The following METTL4 variants were observed in gnomAD, a reference collection of about 807,000 sequenced individuals.
METTL4 encodes the protein N(6)-adenine-specific methyltransferase METTL4.
A neutral mutation model predicts 54.0 loss-of-function variants in METTL4; 40 were observed. The observed-to-expected ratio is 0.74, with a 90% CI of 0.58 to 0.96. METTL4 has a LOEUF of 0.96. Ranked by LOEUF, METTL4 falls within the 50% of genes least tolerant of loss-of-function variation. The pLI, the probability that METTL4 is intolerant of heterozygous loss-of-function variation, is 0.00. For synonymous variants in METTL4, 169 were observed against 183.8 expected, an observed-to-expected ratio of 0.92 and a Z score of 0.65; for missense variants, 525 against 549.0, an observed-to-expected ratio of 0.96 and a Z score of 0.44.
Position 2,544,649 on chromosome 18 carries a change from C to T in METTL4, c.1181+4G>A, listed in dbSNP as rs2072044141. ...ATACAATTTTGAAAAATCACCTTTC[C>T]TACCTCAATGGTAGAGCAGTTTTTT... On this transcript the variant is annotated splice_donor_region_variant and intron_variant, in intron 7 of 8. Transcript: ENST00000574538. 8 of 1,576,400 alleles carry T rather than the reference C, an allele frequency of 5.1e-6. No individual in the cohort carries two copies. Among genetic ancestry groups the T allele is most frequent in the Non-Finnish European group, 6.9e-6 (8 of 1,153,720 alleles).
chr18:2,563,593 T>A (rs2072355034), intron 3 of METTL4, among the ~76,000 whole-genome samples: 2 of 87,648 alleles, frequency 2.3e-5, no homozygotes, highest in South Asian at 4.8e-4. Context: ...AGAATGAGAC[T>A]CTGCCTCAAA....
At chr18:2,541,113 T>C (rs1013982194) in intron 8 of METTL4, among the ~76,000 whole-genome samples, 10 of 152,204 alleles carry the variant, frequency 6.6e-5, no homozygotes, top group African/African-American at 2.4e-4. Flanking sequence ...CCTTTCTAGT[T>C]AAGAAAAACA....
At chr18:2,556,303 G>GAA (rs34077307) in intron 3 of METTL4, among the ~76,000 whole-genome samples, 2 of 147,148 alleles carry the variant, frequency 1.4e-5, no homozygotes, top group Non-Finnish European at 3.0e-5. Context: ...CGGCAATTGG[G>GAA]AAAAAAAAAA....
intron 4 of METTL4, chr18:2,554,004 G>T (rs1156752871): frequency 1.3e-5 from 2 of 152,064 alleles, no homozygotes; most frequent in African/African-American, 2.4e-5. Context: ...TTAAAATTTT[G>T]CTATAAAATG....
Position 2,549,819 on chromosome 18 carries a change from T to TAA in METTL4, c.900-2292_900-2291dup, listed in dbSNP as rs397758263. On this transcript the variant is annotated intron_variant, in intron 5 of 8. Transcript: ENST00000574538. Reference sequence around the variant, plus strand: ...CAACATAGTGAAACCCCATCTCTACTAAAAAAAAAAAAAAAAAAAAAAAAA... The same window carrying TAA: ...CAACATAGTGAAACCCCATCTCTACTAAAAAAAAAAAAAAAAAAAAAAAAAAA... Among the ~76,000 whole-genome samples, 473 of 78,992 alleles carry TAA rather than the reference T, an allele frequency of 6.0e-3. 13 individuals carry two copies. Among genetic ancestry groups the TAA allele is most frequent in the South Asian group, 0.016 (28 of 1,786 alleles). The allele number at this position is 78,992 out of a possible 152,430, so 51.8% of individuals were successfully genotyped here. A position where few individuals can be genotyped will look rare whatever the true frequency, so the allele number is the denominator to read the frequency against.
chr18:2,567,003 C>G lies in METTL4; in HGVS notation c.214G>C (p.Glu72Gln). 6.2e-7 allele frequency: 1 copy of G among 1,614,134 alleles called. No individual in the cohort carries two copies. The highest frequency in any genetic ancestry group is 8.5e-7 in the Non-Finnish European group (1 of 1,180,016). Reference protein sequence around the residue: ...FIASDSSTKPENDDGGNYEMF... With the variant: ...FIASDSSTKPQNDDGGNYEMF... ...TCATAATTTCCTCCATCATCATTCT[C>G]TGGCTTAGTGGAAGAGTCAGAAGCA... Residue 72 changes from glutamate to glutamine, a missense_variant, in exon 2 of 9, where the codon GAG (glutamate) becomes CAG (glutamine). Physicochemically the swap from Glu to Gln is conservative, Grantham distance 29 (BLOSUM62 2). Transcript: ENST00000574538.
intron 3 of METTL4, 64 bp from the exon 4 acceptor site, chr18:2,555,102 T>A (rs925631568): frequency 6.8e-7 from 1 of 1,476,960 alleles, no homozygotes; most frequent in Admixed American, 2.0e-5. Flanking sequence ...TGACTGTGCT[T>A]TGAATATCTG....
rs2072437860 is a variant in METTL4 at position 2,567,401 on chromosome 18, T to C, written c.-185A>G. On this transcript the variant is annotated 5_prime_UTR_variant, in exon 2 of 9. The change creates a new upstream start codon in the 5' untranslated region. Transcript: ENST00000574538. ...GAATTTATCATTCATGATGTTAATA[T>C]ATACAGAAATTCTAAGGAAAATTGC... 2.3e-6 allele frequency: 1 copy of C among 428,302 alleles called. No homozygotes were observed. Among genetic ancestry groups the C allele is most frequent in the Non-Finnish European group, 4.1e-6 (1 of 245,902 alleles). 26.5% of individuals were successfully genotyped at this position (428,302 alleles called of 1,614,324 possible). A position where few individuals can be genotyped will look rare whatever the true frequency, so the allele number is the denominator to read the frequency against.
At position 2,537,662 on chromosome 18, in the gene METTL4, CAT is replaced by C. The variant is rs1240634663; in HGVS notation, c.*1336_*1337del. ...AAGGATGAACAAACTTCAAAAATAA[CAT>C]ATTTTTCTTTGACAAAATCAGTAAA... On this transcript the variant is annotated 3_prime_UTR_variant, in exon 9 of 9. Coordinates refer to ENST00000574538, the MANE Select transcript of METTL4 (RefSeq NM_022840.5). 1.0e-5 allele frequency: 4 copies of C among 385,918 alleles called. No homozygotes were observed. The highest frequency in any genetic ancestry group is 2.9e-4 in the South Asian group (2 of 6,936). The allele number at this position is 385,918 out of a possible 1,614,324, so 23.9% of individuals were successfully genotyped here.
intron 5 of METTL4, among the ~76,000 whole-genome samples, chr18:2,549,226 G>A (rs967553786): frequency 4.5e-4 from 68 of 152,132 alleles, no homozygotes; most frequent in African/African-American, 1.5e-3. Flanking sequence ...TTATCCCTCC[G>A]GTTGTATTCT....
chr18:2,546,405 AC>A (rs1326114943), intron 6 of METTL4, among the ~76,000 whole-genome samples: 1 of 152,112 alleles, frequency 6.6e-6, no homozygotes, highest in Non-Finnish European at 1.5e-5. Context: ...ATGTATGTAT[AC>A]AAAAAAAATT....
chr18:2,567,241 G>C lies in METTL4; in HGVS notation c.-25C>G, dbSNP rs781362625. Reference sequence around the variant, plus strand: ...TTCCCTTCCTTTAAAAAAGCCTCTGGGAATTAGGAACTAGAATGAAAATCC... The same window carrying C: ...TTCCCTTCCTTTAAAAAAGCCTCTGCGAATTAGGAACTAGAATGAAAATCC... On this transcript the variant is annotated 5_prime_UTR_variant, in exon 2 of 9. Coordinates refer to ENST00000574538, the MANE Select transcript of METTL4 (RefSeq NM_022840.5). 2.0e-6 allele frequency: 3 copies of C among 1,530,364 alleles called. No homozygotes were observed. The highest frequency in any genetic ancestry group is 2.6e-6 in the Non-Finnish European group (3 of 1,142,294). The allele number at this position is 1,530,364 out of a possible 1,614,324, so 94.8% of individuals were successfully genotyped here. A position where few individuals can be genotyped will look rare whatever the true frequency, so the allele number is the denominator to read the frequency against.
At chr18:2,550,869 AAG>A (rs1231306655) in intron 5 of METTL4, among the ~76,000 whole-genome samples, 1,825 of 152,282 alleles carry the variant, frequency 0.012, 24 homozygotes, top group South Asian at 0.044. Context: ...CCAAATCAAT[AAG>A]GATATTATAT....
At chr18:2,568,360 G>A (rs1224859270) in intron 1 of METTL4, 1 of 152,232 alleles carries the variant, frequency 6.6e-6, no homozygotes, top group Non-Finnish European at 1.5e-5. Flanking sequence ...AGGGAAGAAG[G>A]GGCGAGCCTA....
intron 5 of METTL4, among the ~76,000 whole-genome samples, chr18:2,548,371 C>CA (rs11393737): frequency 0.42 from 64,009 of 151,146 alleles, 13,696 homozygotes; most frequent in Middle Eastern, 0.47. Context: ...TCCACCTTTG[C>CA]AAAAAAAAAC....
In METTL4 at chr18:2,555,003, C is replaced by T. The variant is rs12607882; in HGVS notation, c.495G>A (p.Leu165=). The change falls in exon 4 of 9, where the codon TTG becomes TTA. Residue 165 remains leucine, a synonymous_variant. Coordinates refer to ENST00000574538, the MANE Select transcript of METTL4 (RefSeq NM_022840.5). ...RELILDGSLQ[L]IQEGLKSGFL... ...AACCACTTTTGAGACCTTCCTGGAT[C>T]AACTGTAAAGATCCATCCAAAATCA... 82,925 of 1,612,944 alleles carry T rather than the reference C, an allele frequency of 0.051. 3,932 individuals carry two copies. Among genetic ancestry groups the T allele is most frequent in the African/African-American group, 0.24 (17,649 of 74,788 alleles).
At chr18:2,564,854 C>G (rs1376189689) in intron 2 of METTL4, among the ~76,000 whole-genome samples, 2 of 152,174 alleles carry the variant, frequency 1.3e-5, no homozygotes, top group East Asian at 1.9e-4. Flanking sequence ...ACCCTGTAAA[C>G]TATAAAGTCC....
rs1350396523 is a variant in METTL4, at chr18:2,571,406, TC to T, written c.-697del. 1 of 152,214 alleles carries T rather than the reference TC, an allele frequency of 6.6e-6. No homozygotes were observed. The highest frequency in any genetic ancestry group is 2.4e-5 in the African/African-American group (1 of 41,462). The allele number at this position is 152,214 out of a possible 1,614,324, so 9.4% of individuals were successfully genotyped here. A position where few individuals can be genotyped will look rare whatever the true frequency, so the allele number is the denominator to read the frequency against. Reference sequence around the variant, plus strand: ...CTAACTTTAGGGGTCGTGCCAGTCTTCGTAGAGACGGCCACACTGGCCCACA... The same window carrying T: ...CTAACTTTAGGGGTCGTGCCAGTCTTGTAGAGACGGCCACACTGGCCCACA... On this transcript the variant is annotated 5_prime_UTR_variant, in exon 1 of 9. The change abolishes the stop of an existing upstream ORF in the 5' untranslated region. Coordinates refer to ENST00000574538, the MANE Select transcript of METTL4 (RefSeq NM_022840.5).
Position 2,552,747 on chromosome 18 carries a change from C to T in METTL4, c.847G>A (p.Val283Ile). ...TGCCATGGTGGATCTATCACAATTA[C>T]ATCAAATGTTTTCCTATCTGAAAAC... ...PLLNYRKTFD[V>I]IVIDPPWQNK... The change falls in exon 5 of 9, where the codon GTA becomes ATA. Residue 283 changes from valine to isoleucine, a missense_variant. Physicochemically the swap from Val to Ile is conservative, Grantham distance 29 (BLOSUM62 3). Coordinates refer to ENST00000574538, the MANE Select transcript of METTL4 (RefSeq NM_022840.5). The T allele has an allele frequency of 1.2e-6, 2 of 1,610,114 alleles. No individual in the cohort carries two copies. The highest frequency in any genetic ancestry group is 1.1e-5 in the South Asian group (1 of 90,716).
Sources: allele counts gnomAD v4.1 joint callset (sites outside exome capture counted in the v4.1 genomes callset), GRCh38; gene constraint gnomAD v4.1.1; transcripts MANE v1.5; gene names NCBI Gene and HGNC (gene_info 2026-07-23, HGNC 2026-07-21).